KCNC2: variants seen among roughly 807,000 people sequenced by gnomAD.
KCNC2 encodes voltage-gated potassium channel KCNC2.
In KCNC2, 21 loss-of-function variants were observed where a neutral mutation model predicts 44.5. The ratio of observed to expected loss-of-function variants is 0.47; its 90% CI spans 0.33 to 0.68. The LOEUF is 0.68. Ranked by LOEUF, KCNC2 falls within the 30% of genes least tolerant of loss-of-function variation. The pLI is 0.01. For synonymous variants in KCNC2, 391 were observed against 339.1 expected (o/e 1.15, Z -1.68); for missense variants, 589 against 826.2 (o/e 0.71, Z 3.52).
chr12:75,146,507 A>T (rs1483249406), intron 2 of KCNC2, among the ~76,000 whole-genome samples: 1 of 152,216 alleles, frequency 6.6e-6, no homozygotes, highest in Non-Finnish European at 1.5e-5. Flanking sequence ...GCTGTGGAAT[A>T]GTTTAGTATA....
intron 2 of KCNC2, among the ~76,000 whole-genome samples, chr12:75,064,087 G>A (rs1366251173): frequency 6.6e-6 from 1 of 152,018 alleles, no homozygotes; most frequent in African/African-American, 2.4e-5. Context: ...TTTTCATTGG[G>A]TTTGAAAATT....
chr12:75,173,372 T>A (rs904975556), intron 2 of KCNC2, among the ~76,000 whole-genome samples: 16 of 152,002 alleles, frequency 1.1e-4, no homozygotes, highest in African/African-American at 3.6e-4. Flanking sequence ...ATTGAAATTA[T>A]CTTACAACAA....
chr12:75,143,627 G>T (rs1393796889), intron 2 of KCNC2, among the ~76,000 whole-genome samples: 3 of 152,088 alleles, frequency 2.0e-5, no homozygotes, highest in Admixed American at 6.5e-5. Flanking sequence ...TAATCAAAAA[G>T]GTTCTAATAG....
chr12:75,078,851 A>T (rs1182812994), intron 2 of KCNC2, among the ~76,000 whole-genome samples: 1 of 152,150 alleles, frequency 6.6e-6, no homozygotes, highest in Non-Finnish European at 1.5e-5. Flanking sequence ...GTCACTTAAG[A>T]TGTTCTTTGA....
chr12:75,152,931 T>C (rs946899436), intron 2 of KCNC2, among the ~76,000 whole-genome samples: 4 of 151,920 alleles, frequency 2.6e-5, no homozygotes, highest in African/African-American at 4.8e-5. Context: ...AATTATACAA[T>C]GACAACATAA....
chr12:75,089,597 TGCA>T (rs1885307104), intron 2 of KCNC2, among the ~76,000 whole-genome samples: 4 of 151,990 alleles, frequency 2.6e-5, no homozygotes, highest in South Asian at 4.1e-4. Context: ...TAAAAGAACA[TGCA>T]ACTTTTAACA....
intron 2 of KCNC2, among the ~76,000 whole-genome samples, chr12:75,098,650 TTGGGAGGC>T (rs1886128906): frequency 6.6e-6 from 1 of 151,898 alleles, no homozygotes; most frequent in East Asian, 1.9e-4. Context: ...TCCCAGCTGC[TTGGGAGGC>T]TGAGGCAGGA....
chr12:75,099,627 A>G (rs1346201194), intron 2 of KCNC2, among the ~76,000 whole-genome samples: 1 of 152,198 alleles, frequency 6.6e-6, no homozygotes, highest in African/African-American at 2.4e-5. Flanking sequence ...TGGTTTTATT[A>G]CATAGCTATT....
intron 2 of KCNC2, among the ~76,000 whole-genome samples, chr12:75,136,647 A>G (rs973664129): frequency 3.3e-5 from 5 of 152,140 alleles, no homozygotes; most frequent in Non-Finnish European, 7.4e-5. Context: ...GAACAGACCA[A>G]TAATGAGTAA....
chr12:75,103,495 A>C (rs1407883106), intron 2 of KCNC2, among the ~76,000 whole-genome samples: 3 of 152,120 alleles, frequency 2.0e-5, no homozygotes, highest in African/African-American at 7.2e-5. Context: ...ATATCAACCA[A>C]TTTGCTGGAT....
intron 2 of KCNC2, among the ~76,000 whole-genome samples, chr12:75,094,675 G>C (rs914168451): frequency 6.6e-6 from 1 of 151,676 alleles, no homozygotes; most frequent in Non-Finnish European, 1.5e-5. Flanking sequence ...TCCATAAGAA[G>C]AATTCAGCAG....
chr12:75,146,805 T>C (rs1168473088), intron 2 of KCNC2, among the ~76,000 whole-genome samples: 3 of 152,204 alleles, frequency 2.0e-5, no homozygotes, highest in Non-Finnish European at 2.9e-5. Flanking sequence ...TTAGTGTCAT[T>C]ACATGTATTA....
chr12:75,042,635 T>C lies in KCNC2; in HGVS notation c.*470A>G, dbSNP rs1880042428. On this transcript the variant is annotated 3_prime_UTR_variant, in exon 5 of 5. Coordinates refer to ENST00000549446, the MANE Select transcript of KCNC2 (RefSeq NM_139137.4). ...GTCCCCGAACTCTGCAACATTGCTT[T>C]CAGGTGATAGAGACAAGATGGTCCA... The C allele has an allele frequency of 1.6e-6, 2 of 1,246,594 alleles. No individual in the cohort carries two copies. The highest frequency in any genetic ancestry group is 7.3e-5 in the East Asian group (2 of 27,532). 77.2% of individuals were successfully genotyped at this position (1,246,594 alleles called of 1,614,324 possible).
chr12:75,178,178 A>T (rs1266133217), intron 2 of KCNC2, among the ~76,000 whole-genome samples: 1 of 152,032 alleles, frequency 6.6e-6, no homozygotes. Context: ...TTCTACTTTC[A>T]TCACAACCAG....
chr12:75,045,376 G>T (rs771297090), intron 4 of KCNC2, among the ~76,000 whole-genome samples: 13 of 151,874 alleles, frequency 8.6e-5, no homozygotes, highest in Middle Eastern at 3.4e-3. Context: ...TTCTGTTTAT[G>T]GGTCCTATAT....
At chr12:75,064,402 TAC>T (rs910383448) in intron 2 of KCNC2, among the ~76,000 whole-genome samples, 3 of 152,048 alleles carry the variant, frequency 2.0e-5, no homozygotes, top group Non-Finnish European at 4.4e-5. Context: ...ATTGTTTTAA[TAC>T]AGTGTTCTAA....
At chr12:75,148,607 T>C (rs936860814) in intron 2 of KCNC2, among the ~76,000 whole-genome samples, 1 of 152,098 alleles carries the variant, frequency 6.6e-6, no homozygotes, top group African/African-American at 2.4e-5. Context: ...AGAAGATATA[T>C]GCTGTGTATT....
intron 2 of KCNC2, among the ~76,000 whole-genome samples, chr12:75,192,179 C>A (rs1030186981): frequency 6.6e-6 from 1 of 152,184 alleles, no homozygotes; most frequent in Non-Finnish European, 1.5e-5. Flanking sequence ...AACAACAGTG[C>A]GATAAATAGG....
intron 2 of KCNC2, among the ~76,000 whole-genome samples, chr12:75,082,512 C>T (rs1884604715): frequency 9.5e-6 from 1 of 104,982 alleles, no homozygotes; most frequent in East Asian, 2.7e-4. Context: ...TCTACAAAGT[C>T]ACCCACGAGA....
Sources: gnomAD v4.1 joint callset for allele counts (sites outside exome capture counted in the v4.1 genomes callset) on GRCh38, gnomAD v4.1.1 for gene constraint, MANE v1.5 for transcripts, NCBI Gene and HGNC (gene_info 2026-07-23, HGNC 2026-07-21) for gene names.